SIPA1L1: variants seen among roughly 807,000 people sequenced by gnomAD.
SIPA1L1 encodes signal induced proliferation associated 1 like 1, also known as signal-induced proliferation-associated 1-like protein 1.
In SIPA1L1, 26 loss-of-function variants were observed where a neutral mutation model predicts 162.7. The observed-to-expected ratio is 0.16, with a 90% CI of 0.12 to 0.22. SIPA1L1 has a LOEUF of 0.22. Ranked by LOEUF, SIPA1L1 falls within the 10% of genes least tolerant of loss-of-function variation. SIPA1L1 has a pLI of 1.00. For synonymous variants in SIPA1L1, 829 were observed against 837.4 expected (o/e 0.99, Z 0.17); for missense variants, 1,874 against 2,241.0 (o/e 0.84, Z 3.31).
At chr14:71,332,919 G>A (rs760411411) in intron 2 of SIPA1L1, among the ~76,000 whole-genome samples, 11 of 152,112 alleles carry the variant, frequency 7.2e-5, no homozygotes, top group Non-Finnish European at 1.2e-4. Flanking sequence ...TTTATAGATA[G>A]TAGAAATATT....
chr14:71,651,355 G>A (rs1299563580), intron 8 of SIPA1L1, among the ~76,000 whole-genome samples: 1 of 152,110 alleles, frequency 6.6e-6, no homozygotes, highest in Non-Finnish European at 1.5e-5. Flanking sequence ...TTCTGTACAG[G>A]AAATTAAATA....
At chr14:71,485,538 G>A (rs1032950997) in intron 2 of SIPA1L1, among the ~76,000 whole-genome samples, 6 of 151,910 alleles carry the variant, frequency 3.9e-5, no homozygotes, top group African/African-American at 1.5e-4. Context: ...TCTAATGCCC[G>A]ATGATCTGTC....
intron 2 of SIPA1L1, among the ~76,000 whole-genome samples, chr14:71,431,418 G>A (rs1292422068): frequency 6.6e-6 from 1 of 152,184 alleles, no homozygotes; most frequent in East Asian, 1.9e-4. Flanking sequence ...ATGAGGCTGG[G>A]TGTGGTGGCT....
rs1050320945 is a variant in SIPA1L1, at chr14:71,419,838, G to A, written c.-464-92905G>A. Reference sequence around the variant, plus strand: ...GGCAAAGAGTTCAAAACTAACCTGGGCAACATAGTGAGACCCCATCTCTTA... The same window carrying A: ...GGCAAAGAGTTCAAAACTAACCTGGACAACATAGTGAGACCCCATCTCTTA... On this transcript the variant is annotated intron_variant, in intron 2 of 23. Transcript: ENST00000381232. 4.6e-5 allele frequency among the ~76,000 whole-genome samples: 7 copies of A among 151,844 alleles called. No individual in the cohort carries two copies. The South Asian group carries it at 8.3e-4, about 18-fold the overall frequency.
intron 6 of SIPA1L1, among the ~76,000 whole-genome samples, chr14:71,619,166 C>T (rs1223019631): frequency 1.3e-5 from 2 of 152,068 alleles, no homozygotes; most frequent in Non-Finnish European, 2.9e-5. Flanking sequence ...GAAATTGGAG[C>T]CCTCAGATCC....
At position 71,661,359 on chromosome 14, in the gene SIPA1L1, A is replaced by G. The variant is rs1326380053; in HGVS notation, c.2147A>G (p.Gln716Arg). 6.2e-7 allele frequency: 1 copy of G among 1,614,024 alleles called. No individual in the cohort carries two copies. Among genetic ancestry groups the G allele is most frequent in the Admixed American group, 1.7e-5 (1 of 60,006 alleles). ...IGNDIVTIVFQEPGAQPFSPK... is the reference protein window; with the variant it reads ...IGNDIVTIVFREPGAQPFSPK... ...AATGATATCGTAACAATTGTTTTCC[A>G]AGAGCCTGGAGCACAGCCATTCAGC... The change falls in exon 10 of 24, where the codon CAA becomes CGA. Residue 716 changes from glutamine (Q) to arginine (R), a missense_variant. Transcript: ENST00000381232.
intron 2 of SIPA1L1, chr14:71,416,294 A>G (rs1418991324): frequency 6.6e-6 from 1 of 152,214 alleles, no homozygotes; most frequent in Non-Finnish European, 1.5e-5. Context: ...TCCAGACAAT[A>G]TCAAGAACTG....
intron 5 of SIPA1L1, among the ~76,000 whole-genome samples, chr14:71,599,515 A>G (rs2036483412): frequency 6.7e-6 from 1 of 148,886 alleles, no homozygotes; most frequent in Non-Finnish European, 1.5e-5. Flanking sequence ...TATACATACC[A>G]CATTTTCATC....
chr14:71,447,155 C>T (rs2045469747), intron 2 of SIPA1L1, among the ~76,000 whole-genome samples: 1 of 151,376 alleles, frequency 6.6e-6, no homozygotes, highest in Non-Finnish European at 1.5e-5. Flanking sequence ...GGCAAGTGAT[C>T]CTCCTGCCTT....
rs148109243 is a variant in SIPA1L1, at chr14:71,730,127, C to T, written c.4687C>T (p.Leu1563=). The change falls in exon 20 of 24, where the codon CTG becomes TTG. Residue 1563 remains leucine (L), a synonymous_variant. Transcript: ENST00000381232. The stretch of plus-strand genomic sequence containing the variant: ...CTCACGGCGGGCCTTGCACAGAACA[C>T]TGTCGGACGAGAGCATTTACAATAG... ...PTSRRALHRT[L]SDESIYNSQR... The T allele has an allele frequency of 3.1e-6, 5 of 1,614,074 alleles. No individual in the cohort carries two copies. The African/African-American group carries it at 4.0e-5, about 13-fold the overall frequency.
At chr14:71,631,728 T>G (rs2040589988) in intron 7 of SIPA1L1, among the ~76,000 whole-genome samples, 1 of 152,238 alleles carries the variant, frequency 6.6e-6, no homozygotes. Flanking sequence ...TTTTACAACT[T>G]TACTATTTAG....
chr14:71,577,507 G>A (rs1446339246), intron 4 of SIPA1L1, among the ~76,000 whole-genome samples: 1 of 151,710 alleles, frequency 6.6e-6, no homozygotes, highest in Non-Finnish European at 1.5e-5. Context: ...CTCCCAAGTA[G>A]CTGGGATTAC....
At chr14:71,339,376 T>G (rs1336231847) in intron 2 of SIPA1L1, among the ~76,000 whole-genome samples, 1 of 151,832 alleles carries the variant, frequency 6.6e-6, no homozygotes, top group Non-Finnish European at 1.5e-5. Flanking sequence ...CTTTTTTTTT[T>G]TTTTGGGACA....
chr14:71,389,872 A>G (rs1349624365), intron 2 of SIPA1L1, among the ~76,000 whole-genome samples: 1 of 152,178 alleles, frequency 6.6e-6, no homozygotes, highest in Non-Finnish European at 1.5e-5. Flanking sequence ...GAGAGTGGGA[A>G]AGGGAACAGT....
chr14:71,535,302 AG>A (rs2053795367), intron 4 of SIPA1L1, among the ~76,000 whole-genome samples: 1 of 152,242 alleles, frequency 6.6e-6, no homozygotes, highest in South Asian at 2.1e-4. Context: ...TTAAGATAAA[AG>A]AAAGCACCTG....
At chr14:71,340,773 T>TA (rs1049996941) in intron 2 of SIPA1L1, among the ~76,000 whole-genome samples, 2 of 151,902 alleles carry the variant, frequency 1.3e-5, no homozygotes, top group African/African-American at 4.8e-5. Flanking sequence ...CCATCTCTAC[T>TA]AAAAAAATAC....
At position 71,622,852 on chromosome 14, in the gene SIPA1L1, G is replaced by A. The variant is rs530112213; in HGVS notation, c.1630-1196G>A. Among the ~76,000 whole-genome samples the A allele has an allele frequency of 2.6e-4, 40 of 152,230 alleles. 1 individual carries two copies. Among genetic ancestry groups the A allele is most frequent in the Middle Eastern group, 6.8e-3 (2 of 294 alleles). On this transcript the variant is annotated intron_variant, in intron 6 of 23. Coordinates refer to ENST00000381232, the MANE Select transcript of SIPA1L1 (RefSeq NM_001386936.1). ...CAGTGAGGCGTGTACCACTCAGTCA[G>A]CTTCAGGGTCTTCTGTGCACCCCCA...
chr14:71,513,083 C>G (rs964468142), intron 3 of SIPA1L1, among the ~76,000 whole-genome samples: 1 of 152,174 alleles, frequency 6.6e-6, no homozygotes, highest in Non-Finnish European at 1.5e-5. Context: ...ACCCAACCAC[C>G]TTGGGCACGT....
intron 2 of SIPA1L1, among the ~76,000 whole-genome samples, chr14:71,349,348 G>A (rs2036472593): frequency 6.6e-6 from 1 of 152,122 alleles, no homozygotes; most frequent in Non-Finnish European, 1.5e-5. Context: ...CTATTTTCAG[G>A]TAAGATGGGT....
Sources: gnomAD v4.1 joint callset for allele counts (sites outside exome capture counted in the v4.1 genomes callset) on GRCh38, gnomAD v4.1.1 for gene constraint, MANE v1.5 for transcripts, NCBI Gene and HGNC (gene_info 2026-07-23, HGNC 2026-07-21) for gene names.